RARB: variants seen among roughly 807,000 people sequenced by gnomAD.
RARB encodes the protein retinoic acid receptor beta.
RARB carries 17 observed loss-of-function variants against 51.9 expected under a neutral mutation model. The ratio of observed to expected loss-of-function variants is 0.33; its 90% CI spans 0.22 to 0.49. The LOEUF (loss-of-function observed/expected upper bound fraction) is 0.49. Among genes scored for constraint, RARB ranks in the 20% least tolerant of loss-of-function variants. The pLI is 0.99. For missense variants in RARB, 369 were observed against 550.8 expected (o/e 0.67, Z 3.30); for synonymous variants, 215 against 195.4 (o/e 1.10, Z -0.84).
At chr3:24,963,166 TG>T (rs1272023674) in intron 2 of RARB, among the ~76,000 whole-genome samples, 1 of 152,256 alleles carries the variant, frequency 6.6e-6, no homozygotes. Context: ...TGATGATCTT[TG>T]TTTTTTAAAA....
chr3:25,095,670 A>C (rs896364499), intron 3 of RARB, among the ~76,000 whole-genome samples: 1 of 152,200 alleles, frequency 6.6e-6, no homozygotes, highest in African/African-American at 2.4e-5. Flanking sequence ...TGCGAACAGC[A>C]AGAATAAAAA....
intron 2 of RARB, among the ~76,000 whole-genome samples, chr3:24,987,100 T>C (rs1325872227): frequency 6.6e-6 from 1 of 152,208 alleles, no homozygotes; most frequent in African/African-American, 2.4e-5. Flanking sequence ...TTCTTAGCTT[T>C]CAGGAAGTTA....
At chr3:25,038,536 T>C (rs1359147010) in intron 2 of RARB, among the ~76,000 whole-genome samples, 1 of 152,156 alleles carries the variant, frequency 6.6e-6, no homozygotes, top group African/African-American at 2.4e-5. Flanking sequence ...TTTTTTTCTT[T>C]GTTGCTGAAG....
chr3:24,864,502 A>G (rs528712838), intron 2 of RARB, among the ~76,000 whole-genome samples: 1 of 152,228 alleles, frequency 6.6e-6, no homozygotes, highest in South Asian at 2.1e-4. Flanking sequence ...CTATACTTCC[A>G]GCCCTGCTGT....
chr3:25,378,522 T>G (rs895514127), intron 5 of RARB, among the ~76,000 whole-genome samples: 2 of 152,236 alleles, frequency 1.3e-5, no homozygotes, highest in Admixed American at 6.5e-5. Flanking sequence ...TTGTAAAGGA[T>G]AAATCGGCAT....
intron 2 of RARB, among the ~76,000 whole-genome samples, chr3:24,878,703 C>T (rs1435398057): frequency 6.6e-6 from 1 of 152,056 alleles, no homozygotes; most frequent in Non-Finnish European, 1.5e-5. Context: ...CCAAATGTGT[C>T]TTGGAGTCGG....
chr3:25,106,401 G>A (rs536332107), intron 3 of RARB, among the ~76,000 whole-genome samples: 8 of 150,916 alleles, frequency 5.3e-5, no homozygotes, highest in South Asian at 2.1e-4. Flanking sequence ...TCAGCCTCCC[G>A]AGTAGCTGGG....
At chr3:25,246,023 A>G (rs1702551577) in intron 5 of RARB, among the ~76,000 whole-genome samples, 1 of 151,854 alleles carries the variant, frequency 6.6e-6, no homozygotes, top group African/African-American at 2.4e-5. Flanking sequence ...ATCCCTTTCC[A>G]TTCTTTTTTC....
intron 3 of RARB, among the ~76,000 whole-genome samples, chr3:25,103,213 C>T (rs1699437151): frequency 6.6e-6 from 1 of 152,028 alleles, no homozygotes; most frequent in Non-Finnish European, 1.5e-5. Context: ...TACCATTGGC[C>T]AATGGTTGAC....
At chr3:25,202,240 C>A (rs1192330376) in intron 5 of RARB, among the ~76,000 whole-genome samples, 6 of 152,226 alleles carry the variant, frequency 3.9e-5, no homozygotes, top group African/African-American at 1.2e-4. Flanking sequence ...TTATAGTATT[C>A]TCTGATGGTA....
intron 4 of RARB, 130 bp downstream of exon 4, chr3:25,570,048 C>T: frequency 7.6e-7 from 1 of 1,314,206 alleles, no homozygotes. Flanking sequence ...CAGGGGCTTG[C>T]ATGCTAGCCA....
At chr3:25,191,636 T>TG (rs2125363978) in intron 5 of RARB, among the ~76,000 whole-genome samples, 1 of 152,220 alleles carries the variant, frequency 6.6e-6, no homozygotes, top group East Asian at 1.9e-4. Flanking sequence ...GTAACTAAGC[T>TG]GGGCAATAAC....
chr3:25,060,132 A>G (rs1415613904), exon 3 of RARB: 1 of 151,824 alleles, frequency 6.6e-6, no homozygotes, highest in Non-Finnish European at 1.5e-5. Flanking sequence ...CAGATAAAAC[A>G]GAGTACTGCA....
chr3:25,400,842 A>G lies in RARB; in HGVS notation c.179-60351A>G, dbSNP rs186841481. On this transcript the variant is annotated intron_variant, in intron 5 of 11. Transcript: ENST00000383772. ...CTTGTAACAGACCAGTGCTCCCAGGAAGAACTAGAAAAGCCAGACAATATA... is the reference window on the plus strand; with the variant it reads ...CTTGTAACAGACCAGTGCTCCCAGGGAGAACTAGAAAAGCCAGACAATATA... Among the ~76,000 whole-genome samples the G allele has an allele frequency of 2.7e-3, 414 of 152,190 alleles. 2 individuals are homozygous for G. Among genetic ancestry groups the G allele is most frequent in the African/African-American group, 9.4e-3 (391 of 41,576 alleles).
chr3:24,989,066 T>G (rs1172944619), intron 2 of RARB, among the ~76,000 whole-genome samples: 3 of 152,232 alleles, frequency 2.0e-5, no homozygotes, highest in Non-Finnish European at 2.9e-5. Context: ...CCTTTGGTAA[T>G]CTGCCTGTCT....
At chr3:24,850,253 G>C (rs950434088) in intron 1 of RARB, among the ~76,000 whole-genome samples, 1 of 152,272 alleles carries the variant, frequency 6.6e-6, no homozygotes, top group African/African-American at 2.4e-5. Context: ...TCAGACCATA[G>C]CAACAGTCAC....
In RARB at chr3:25,294,721, C is replaced by T. The variant is rs559077207; in HGVS notation, c.178+120146C>T. 1.9e-3 allele frequency among the ~76,000 whole-genome samples: 163 copies of T among 87,368 alleles called. 1 individual carries two copies. Among genetic ancestry groups the T allele is most frequent in the African/African-American group, 0.011 (152 of 13,960 alleles). The allele number at this position is 87,368 out of a possible 152,430, so 57.3% of individuals were successfully genotyped here. ...TTCTCTCCTTCCAACGGCCCGTTGG[C>T]GGAAGCTTCCTAGAAGTCATTTGGC... On this transcript the variant is annotated intron_variant, in intron 5 of 11. Transcript: ENST00000383772.
chr3:25,041,633 A>G (rs1698116898), intron 2 of RARB, among the ~76,000 whole-genome samples: 1 of 151,438 alleles, frequency 6.6e-6, no homozygotes, highest in African/African-American at 2.4e-5. Context: ...GTTTTTTTTT[A>G]ATCACTGCTC....
chr3:25,534,821 T>G (rs1286667), intron 3 of RARB, among the ~76,000 whole-genome samples: 1 of 152,026 alleles, frequency 6.6e-6, no homozygotes, highest in Admixed American at 6.6e-5. Context: ...GCTGGGCTGC[T>G]AGTGCCCTGA....
Sources: gnomAD v4.1 joint callset for allele counts (sites outside exome capture counted in the v4.1 genomes callset) on GRCh38, gnomAD v4.1.1 for gene constraint, MANE v1.5 for transcripts, NCBI Gene and HGNC (gene_info 2026-07-23, HGNC 2026-07-21) for gene names.